Variants in ABTB3 observed in about 807,000 individuals in gnomAD.
The protein encoded by ABTB3 is ankyrin repeat- and BTB/POZ domain-containing protein 3.
chr12:107,356,219 T>C, the ABTB3 span, among the ~76,000 whole-genome samples: 660 of 152,336 alleles, frequency 4.3e-3, 3 homozygotes, highest in African/African-American at 0.015. Flanking sequence ...AGGTAGGCTG[T>C]GTCTGTGTTT....
chr12:107,320,002 G>A, the ABTB3 span: 11 of 1,577,266 alleles, frequency 7.0e-6, no homozygotes, highest in Admixed American at 1.9e-4. Flanking sequence ...TGGAGCACAC[G>A]GTCAACAACG....
chr12:107,599,092 A>G, the ABTB3 span, among the ~76,000 whole-genome samples: 1 of 152,156 alleles, frequency 6.6e-6, no homozygotes, highest in Non-Finnish European at 1.5e-5. Flanking sequence ...CCACCATGAA[A>G]TTCCCCGGAG....
At chr12:107,405,970 C>T in the ABTB3 span, among the ~76,000 whole-genome samples, 1 of 152,188 alleles carries the variant, frequency 6.6e-6, no homozygotes, top group African/African-American at 2.4e-5. Flanking sequence ...AAAGCCTGTA[C>T]TTTCTCCCCT....
At chr12:107,482,088 G>C in the ABTB3 span, among the ~76,000 whole-genome samples, 1 of 152,086 alleles carries the variant, frequency 6.6e-6, no homozygotes, top group Non-Finnish European at 1.5e-5. Flanking sequence ...GCAGGGAGTG[G>C]AGAGGGGTGG....
chr12:107,610,326 C>T, the ABTB3 span: 1 of 1,614,054 alleles, frequency 6.2e-7, no homozygotes, highest in Non-Finnish European at 8.5e-7. Context: ...TCTGCTGGGG[C>T]CCGATGGGAT....
the ABTB3 span, chr12:107,620,282 G>C: frequency 1.5e-6 from 2 of 1,313,614 alleles, no homozygotes; most frequent in Non-Finnish European, 2.1e-6. Context: ...CGGTCATAGC[G>C]ACCAGTGGCG....
At chr12:107,626,224 G>A in the ABTB3 span, among the ~76,000 whole-genome samples, 1 of 152,042 alleles carries the variant, frequency 6.6e-6, no homozygotes, top group Non-Finnish European at 1.5e-5. Context: ...GTAATGTCCA[G>A]AGTTTTTAGT....
the ABTB3 span, among the ~76,000 whole-genome samples, chr12:107,634,055 C>G: frequency 6.6e-6 from 1 of 152,216 alleles, no homozygotes; most frequent in Non-Finnish European, 1.5e-5. Context: ...AGTTGAGTCT[C>G]TTTGTCCTTC....
the ABTB3 span, among the ~76,000 whole-genome samples, chr12:107,335,898 A>G: frequency 6.6e-6 from 1 of 152,196 alleles, no homozygotes; most frequent in Non-Finnish European, 1.5e-5. Flanking sequence ...TATTGGTAAT[A>G]AACTGAACTG....
the ABTB3 span, among the ~76,000 whole-genome samples, chr12:107,355,469 G>A: frequency 6.6e-6 from 1 of 152,220 alleles, no homozygotes; most frequent in Admixed American, 6.5e-5. Flanking sequence ...GATAAACAAA[G>A]TCATTTTCTT....
At chr12:107,650,037 G>A in the ABTB3 span, 3 of 151,208 alleles carry the variant, frequency 2.0e-5, no homozygotes, top group South Asian at 2.1e-4. Context: ...AAAGAGCCAG[G>A]ATCTCGGTCA....
At chr12:107,466,830 G>A in the ABTB3 span, among the ~76,000 whole-genome samples, 1,325 of 152,266 alleles carry the variant, frequency 8.7e-3, 23 homozygotes, top group African/African-American at 0.03. Context: ...ATGAGGATCA[G>A]CAAATGCCTC....
At chr12:107,476,069 C>T in the ABTB3 span, among the ~76,000 whole-genome samples, 2 of 152,206 alleles carry the variant, frequency 1.3e-5, no homozygotes, top group African/African-American at 4.8e-5. Flanking sequence ...AGCCGGGGCC[C>T]TGATTTGCTT....
At chr12:107,354,690 C>T in the ABTB3 span, among the ~76,000 whole-genome samples, 6 of 152,264 alleles carry the variant, frequency 3.9e-5, no homozygotes, top group South Asian at 6.2e-4. Flanking sequence ...TATTATGAAG[C>T]GGTTGCACCT....
the ABTB3 span, chr12:107,620,202 G>T: frequency 6.2e-7 from 1 of 1,605,434 alleles, no homozygotes; most frequent in South Asian, 1.1e-5. Flanking sequence ...CATCGGCAGA[G>T]AACAAAGCTG....
the ABTB3 span, among the ~76,000 whole-genome samples, chr12:107,515,112 G>A: frequency 6.6e-6 from 1 of 152,186 alleles, no homozygotes; most frequent in East Asian, 1.9e-4. Flanking sequence ...GAGGTCCAGA[G>A]AGATTCTATG....
chr12:107,457,102 T>TC, the ABTB3 span, among the ~76,000 whole-genome samples: 3 of 152,198 alleles, frequency 2.0e-5, no homozygotes, highest in South Asian at 2.1e-4. Context: ...CCTCAGTTGA[T>TC]CCCCCCGCCT....
the ABTB3 span, among the ~76,000 whole-genome samples, chr12:107,533,897 T>C: frequency 6.6e-6 from 1 of 152,202 alleles, no homozygotes; most frequent in Admixed American, 6.5e-5. Context: ...TCTTGACAAA[T>C]TTTTAAAAAC....
the ABTB3 span, among the ~76,000 whole-genome samples, chr12:107,329,265 C>G: frequency 6.6e-6 from 1 of 152,102 alleles, no homozygotes; most frequent in Non-Finnish European, 1.5e-5. Context: ...TTAGGTGGAC[C>G]AGGGTTCAAA....
Sources: gnomAD v4.1 joint callset for allele counts (sites outside exome capture counted in the v4.1 genomes callset) on GRCh38, gnomAD v4.1.1 for gene constraint, MANE v1.5 for transcripts, NCBI Gene and HGNC (gene_info 2026-07-23, HGNC 2026-07-21) for gene names.